DEF6: variants seen among roughly 807,000 people sequenced by gnomAD.
The protein encoded by DEF6 is differentially expressed in FDCP 6 homolog.
DEF6 carries 32 observed loss-of-function variants against 80.5 expected under a neutral mutation model. The ratio of observed to expected loss-of-function variants is 0.40; its 90% CI spans 0.30 to 0.53. The LOEUF (loss-of-function observed/expected upper bound fraction) is 0.53. DEF6 is among the 20% of genes least tolerant of loss of function. The pLI, the probability that DEF6 is intolerant of heterozygous loss-of-function variation, is 0.57. For synonymous variants in DEF6, 300 were observed against 337.9 expected (o/e 0.89, Z 1.23); for missense variants, 575 against 818.7 (o/e 0.70, Z 3.63).
At chr6:35,310,395 C>T in intron 2 of DEF6, 64 bp from the exon 3 acceptor site, 2 of 1,579,880 alleles carry the variant, frequency 1.3e-6, no homozygotes, top group Non-Finnish European at 1.7e-6. Flanking sequence ...AGAAACCCAG[C>T]TGGAGCCTAG....
At chr6:35,298,524 C>A (rs773548028) in intron 1 of DEF6, among the ~76,000 whole-genome samples, 3 of 152,154 alleles carry the variant, frequency 2.0e-5, no homozygotes, top group African/African-American at 7.2e-5. Flanking sequence ...AGCTCACCCC[C>A]CTATCCACCA....
At chr6:35,314,210 C>A (rs1045620976) in intron 5 of DEF6, among the ~76,000 whole-genome samples, 1 of 152,022 alleles carries the variant, frequency 6.6e-6, no homozygotes, top group African/African-American at 2.4e-5. Context: ...GAGTTTGAGA[C>A]CAGCCTGGCC....
chr6:35,314,875 T>G (rs1791507186), intron 5 of DEF6, among the ~76,000 whole-genome samples: 1 of 152,206 alleles, frequency 6.6e-6, no homozygotes, highest in Admixed American at 6.5e-5. Flanking sequence ...TTCTCCAATG[T>G]TTTCTTCTAG....
In DEF6 at chr6:35,312,575, T is replaced by C; in HGVS notation, c.660+37T>C. 6.2e-7 allele frequency: 1 copy of C among 1,614,010 alleles called. No homozygotes were observed. Among genetic ancestry groups the C allele is most frequent in the South Asian group, 1.1e-5 (1 of 91,074 alleles). On this transcript the variant is annotated intron_variant, in intron 4 of 10. Transcript: ENST00000316637. This position sits in a 1 kb window ranked among gnomAD's most constrained non-coding sequence, Gnocchi z 6.6. ...TGGGAACTAGGGGAAGCACACAAGG[T>C]GCAGGGCGAAGGGGGGCCTGGGAAG... is the stretch of plus-strand genomic sequence containing the variant.
At chr6:35,321,154 T>A in intron 10 of DEF6, 33 bp from the exon 11 acceptor site, 1 of 1,607,322 alleles carries the variant, frequency 6.2e-7, no homozygotes, top group Non-Finnish European at 8.5e-7. Context: ...TTTGCATGCC[T>A]TTCTCCTTAC....
At chr6:35,298,208 G>A (rs1202168209) in intron 1 of DEF6, among the ~76,000 whole-genome samples, 1 of 152,180 alleles carries the variant, frequency 6.6e-6, no homozygotes, top group Non-Finnish European at 1.5e-5. Context: ...GAGGCCAGGA[G>A]GTTCTGAGGG....
Position 35,321,441 on chromosome 6 carries a change from C to A in DEF6, c.*31C>A. 1.3e-6 allele frequency: 2 copies of A among 1,588,678 alleles called. No homozygotes were observed. The highest frequency in any genetic ancestry group is 1.1e-5 in the South Asian group (1 of 89,768). On this transcript the variant is annotated 3_prime_UTR_variant, in exon 11 of 11. Coordinates refer to ENST00000316637, the MANE Select transcript of DEF6 (RefSeq NM_022047.4). ...CTTAGCCCCTTGTTCTTCCCAATGTCATATCCACCAGGACCTGGCCACAGC... is the reference window on the plus strand; with the variant it reads ...CTTAGCCCCTTGTTCTTCCCAATGTAATATCCACCAGGACCTGGCCACAGC...
In DEF6 at chr6:35,319,577, G is replaced by T; in HGVS notation, c.1269G>T (p.Arg423=). The stretch of plus-strand genomic sequence containing the variant: ...AGCTGAAGGAGGAGGAGGCTGCCCG[G>T]CAGCGGCAGCGCATCAAGGAGCTGG... ...EMELKEEEAA[R]QRQRIKELEE... Residue 423 remains arginine (R), a synonymous_variant, in exon 8 of 11, where the codon CGG becomes CGT. Coordinates refer to ENST00000316637, the MANE Select transcript of DEF6 (RefSeq NM_022047.4). This position sits in a 1 kb window ranked among gnomAD's most constrained non-coding sequence, Gnocchi z 4.5. 6.2e-7 allele frequency: 1 copy of T among 1,613,836 alleles called. No homozygotes were observed. The highest frequency in any genetic ancestry group is 8.5e-7 in the Non-Finnish European group (1 of 1,179,874).
Position 35,321,311 on chromosome 6 carries a change from C to T in DEF6, c.1797C>T (p.Asn599=), listed in dbSNP as rs775002102. Residue 599 remains asparagine, a synonymous_variant, in exon 11 of 11, where the codon AAC becomes AAT. Coordinates refer to ENST00000316637, the MANE Select transcript of DEF6 (RefSeq NM_022047.4). The stretch of plus-strand genomic sequence containing the variant: ...AGGGCAACAGGACCCCCTCGCCCAA[C>T]AGCAATGAGCAGCAGAAGTCCCTCA... The part of the protein sequence containing the change: ...GSQGNRTPSP[N]SNEQQKSLNG... 6.2e-7 allele frequency: 1 copy of T among 1,614,154 alleles called. No individual in the cohort carries two copies. Among genetic ancestry groups the T allele is most frequent in the Admixed American group, 1.7e-5 (1 of 60,022 alleles).
chr6:35,308,672 CAAAATAAAATAAAATAAAATAAAAT>C (rs36231574), intron 1 of DEF6, among the ~76,000 whole-genome samples: 57 of 115,718 alleles, frequency 4.9e-4, no homozygotes, highest in Middle Eastern at 3.9e-3. Context: ...GACTCCGTCT[CAAAATAAAATAAAATAAAATAAAAT>C]AAAATAAAAT....
intron 1 of DEF6, among the ~76,000 whole-genome samples, chr6:35,308,904 C>A (rs894675354): frequency 6.6e-6 from 1 of 152,022 alleles, no homozygotes; most frequent in Admixed American, 6.6e-5. Context: ...TTTATTTTCA[C>A]CAGATTTCAG....
At chr6:35,305,788 G>T (rs1204655734) in intron 1 of DEF6, among the ~76,000 whole-genome samples, 2 of 152,210 alleles carry the variant, frequency 1.3e-5, no homozygotes, top group Non-Finnish European at 2.9e-5. Flanking sequence ...GGCCAGGCTG[G>T]TGTTGAACTC....
In DEF6 at chr6:35,321,662, C is replaced by A; in HGVS notation, c.*252C>A. On this transcript the variant is annotated 3_prime_UTR_variant, in exon 11 of 11. Transcript: ENST00000316637. ...GGCCCTGTGCTTTAGACCCAAGGAC[C>A]CGATTCTTGGGCTAGGAAAGAGAGA... 1 of 386,712 alleles carries A rather than the reference C, an allele frequency of 2.6e-6. No homozygotes were observed. The highest frequency in any genetic ancestry group is 4.6e-6 in the Non-Finnish European group (1 of 217,250). 24.0% of individuals were successfully genotyped at this position (386,712 alleles called of 1,614,324 possible).
At chr6:35,321,018 G>C in intron 10 of DEF6, 44 bp downstream of exon 10, 1 of 1,605,174 alleles carries the variant, frequency 6.2e-7, no homozygotes, top group South Asian at 1.1e-5. Context: ...AGCTGGGAGG[G>C]AGAAAGGAGG....
intron 5 of DEF6, among the ~76,000 whole-genome samples, chr6:35,314,234 C>A (rs1234662645): frequency 6.6e-6 from 1 of 151,676 alleles, no homozygotes; most frequent in African/African-American, 2.4e-5. Flanking sequence ...ATGGTGAGAC[C>A]CCATCTCTAC....
At position 35,307,591 on chromosome 6, in the gene DEF6, A is replaced by G. The variant is rs936620659; in HGVS notation, c.97-2079A>G. On this transcript the variant is annotated intron_variant, in intron 1 of 10. Transcript: ENST00000316637. ...CCCTTAGAGTGGGGATTGGTATTCT[A>G]TGACCACAGATGTGTTAGGCAAGAC... Among the ~76,000 whole-genome samples the G allele has an allele frequency of 3.3e-5, 5 of 152,212 alleles. No individual in the cohort carries two copies. In the South Asian group the frequency reaches 6.2e-4, roughly 19 times the overall value.
At chr6:35,308,369 C>CA (rs1562147839) in intron 1 of DEF6, among the ~76,000 whole-genome samples, 6,377 of 127,578 alleles carry the variant, frequency 0.05, 441 homozygotes, top group African/African-American at 0.15. Context: ...CTGTCTCTAC[C>CA]GAAAAAAAAA....
intron 1 of DEF6, among the ~76,000 whole-genome samples, chr6:35,299,543 G>A (rs956893834): frequency 1.3e-5 from 2 of 152,082 alleles, no homozygotes; most frequent in African/African-American, 2.4e-5. Context: ...TTGAGCCTCT[G>A]TCTTGCCCTC....
Position 35,309,789 on chromosome 6 carries a change from C to T in DEF6, c.216C>T (p.Leu72=), listed in dbSNP as rs141861681. Residue 72 remains leucine, a synonymous_variant, in exon 2 of 11, where the codon CTC becomes CTT. Coordinates refer to ENST00000316637, the MANE Select transcript of DEF6 (RefSeq NM_022047.4). ...PVSSQGYMPY[L]NKYILDKVEE... ...CCAGCCAGGGATACATGCCCTACCTCAACAAGTACATCCTGGACAAGGTGG... is the reference window on the plus strand; with the variant it reads ...CCAGCCAGGGATACATGCCCTACCTTAACAAGTACATCCTGGACAAGGTGG... 2.0e-3 allele frequency: 3,264 copies of T among 1,614,072 alleles called. 23 individuals carry two copies. The highest frequency in any genetic ancestry group is 1.4e-3 in the Non-Finnish European group (1,694 of 1,179,980).
Sources: gnomAD v4.1 joint callset for allele counts (sites outside exome capture counted in the v4.1 genomes callset) on GRCh38, gnomAD v4.1.1 for gene constraint, Gnocchi (gnomAD v3.1) non-coding constraint, MANE v1.5 for transcripts, NCBI Gene and HGNC (gene_info 2026-07-23, HGNC 2026-07-21) for gene names.